SLC9A4: variants seen among roughly 807,000 people sequenced by gnomAD.
SLC9A4 encodes the protein sodium/hydrogen exchanger 4.
In SLC9A4, 63 loss-of-function variants were observed where a neutral mutation model predicts 67.4. The ratio of observed to expected loss-of-function variants is 0.93; its 90% confidence interval spans 0.76 to 1.15. The LOEUF is 1.15. Among genes scored for constraint, SLC9A4 ranks in the 50% most tolerant of loss-of-function variants. The pLI is 0.00. For synonymous variants in SLC9A4, 393 were observed against 367.2 expected, an observed-to-expected ratio of 1.07 and a Z score of -0.80; for missense variants, 1,089 against 987.7, an observed-to-expected ratio of 1.10 and a Z score of -1.38.
intron 1 of SLC9A4, among the ~76,000 whole-genome samples, chr2:102,475,911 T>TA (rs1410186141): frequency 6.6e-6 from 1 of 152,226 alleles, no homozygotes; most frequent in Non-Finnish European, 1.5e-5. Context: ...AAGATTATGT[T>TA]ATAAAACATG....
chr2:102,491,845 C>A (rs1227702744), intron 2 of SLC9A4, among the ~76,000 whole-genome samples: 1 of 152,182 alleles, frequency 6.6e-6, no homozygotes, highest in African/African-American at 2.4e-5. Context: ...CAAGTCCCTC[C>A]CACCTATGAC....
chr2:102,530,147 G>A (rs1674749561), intron 11 of SLC9A4, among the ~76,000 whole-genome samples: 1 of 152,176 alleles, frequency 6.6e-6, no homozygotes, highest in Non-Finnish European at 1.5e-5. Context: ...GGTGGGGAGT[G>A]TTGCACTCCG....
chr2:102,503,794 T>C, intron 3 of SLC9A4, 87 bp downstream of exon 3: 1 of 1,515,736 alleles, frequency 6.6e-7, no homozygotes, highest in Non-Finnish European at 8.9e-7. Flanking sequence ...GGGAAAGACA[T>C]AACCAATGAC....
At chr2:102,515,504 A>G (rs973155458) in intron 8 of SLC9A4, among the ~76,000 whole-genome samples, 2 of 150,732 alleles carry the variant, frequency 1.3e-5, no homozygotes, top group Non-Finnish European at 3.0e-5. Context: ...GTTTGTTTTG[A>G]TGCTGCTCAT....
intron 1 of SLC9A4, among the ~76,000 whole-genome samples, chr2:102,478,114 T>G (rs1684371216): frequency 6.6e-6 from 1 of 152,124 alleles, no homozygotes; most frequent in Non-Finnish European, 1.5e-5. Flanking sequence ...CAGAGACCCA[T>G]GGTGTAGAAA....
At chr2:102,478,433 G>A (rs1277465397) in intron 1 of SLC9A4, among the ~76,000 whole-genome samples, 1 of 152,200 alleles carries the variant, frequency 6.6e-6, no homozygotes, top group African/African-American at 2.4e-5. Context: ...TGGTGAAGAG[G>A]GGAATGAGGT....
intron 2 of SLC9A4, among the ~76,000 whole-genome samples, chr2:102,495,774 G>A (rs193071503): frequency 1.3e-5 from 2 of 152,208 alleles, no homozygotes. Context: ...GGCAAAGTCT[G>A]TTCAACAAAT....
At chr2:102,496,521 T>C (rs1441619500) in intron 2 of SLC9A4, among the ~76,000 whole-genome samples, 2 of 152,204 alleles carry the variant, frequency 1.3e-5, no homozygotes, top group African/African-American at 2.4e-5. Context: ...GAAATAAACA[T>C]TTAGCAGAGA....
intron 2 of SLC9A4, among the ~76,000 whole-genome samples, chr2:102,480,861 A>T (rs1185156244): frequency 6.6e-6 from 1 of 152,196 alleles, no homozygotes; most frequent in Non-Finnish European, 1.5e-5. Flanking sequence ...GGGGAGGAGG[A>T]TGCCACATGC....
chr2:102,484,585 T>C (rs1465609593), intron 2 of SLC9A4, among the ~76,000 whole-genome samples: 3 of 152,180 alleles, frequency 2.0e-5, no homozygotes, highest in African/African-American at 7.2e-5. Context: ...GGACACTGTT[T>C]AGTGGTCGGC....
chr2:102,473,755 C>T lies in SLC9A4; in HGVS notation c.-5C>T. The T allele has an allele frequency of 6.2e-7, 1 of 1,613,500 alleles. No individual in the cohort carries two copies. Among genetic ancestry groups the T allele is most frequent in the Non-Finnish European group, 8.5e-7 (1 of 1,179,734 alleles). On this transcript the variant is annotated 5_prime_UTR_variant, in exon 1 of 12. It introduces an in-frame stop codon into an upstream open reading frame of the 5' UTR. Transcript: ENST00000295269. ...CAGGGGTGTAGGTAGGAGAAGCCCA[C>T]AGGAATGGCTCTGCAGATGTTCGTG...
chr2:102,479,330 C>T, intron 2 of SLC9A4, 28 bp downstream of exon 2: 3 of 1,576,854 alleles, frequency 1.9e-6, no homozygotes, highest in Non-Finnish European at 1.7e-6. Flanking sequence ...CGCCCGGCTT[C>T]CGGGGGAGAT....
intron 4 of SLC9A4, among the ~76,000 whole-genome samples, chr2:102,507,420 G>C (rs544830890): frequency 2.0e-5 from 3 of 152,124 alleles, no homozygotes; most frequent in Non-Finnish European, 2.9e-5. Context: ...GAGCCGCTTG[G>C]GGATGAAAAC....
Position 102,473,711 on chromosome 2 carries a change from T to C in SLC9A4, c.-49T>C, listed in dbSNP as rs547985685. On this transcript the variant is annotated 5_prime_UTR_variant, in exon 1 of 12. An upstream start codon of the reference 5' UTR is lost. Coordinates refer to ENST00000295269, the MANE Select transcript of SLC9A4 (RefSeq NM_001011552.4). ...CTCTAGAAGCCTCCCCGACTTCAGATGTGTGGCACACATCCACACAGGGGT... is the reference window on the plus strand; with the variant it reads ...CTCTAGAAGCCTCCCCGACTTCAGACGTGTGGCACACATCCACACAGGGGT... 2.7e-4 allele frequency: 435 copies of C among 1,598,612 alleles called. 2 individuals are homozygous for C. The South Asian group carries it at 4.4e-3, about 16-fold the overall frequency.
chr2:102,481,345 A>G (rs1164023485), intron 2 of SLC9A4, among the ~76,000 whole-genome samples: 1 of 152,212 alleles, frequency 6.6e-6, no homozygotes. Context: ...TGCCATGAGC[A>G]AAAAGGATTT....
At chr2:102,481,931 GA>G (rs1216272266) in intron 2 of SLC9A4, among the ~76,000 whole-genome samples, 3 of 151,746 alleles carry the variant, frequency 2.0e-5, no homozygotes, top group African/African-American at 4.9e-5. Flanking sequence ...CAATAGTACA[GA>G]GAGGAAAAGT....
chr2:102,523,327 G>C (rs574460544), intron 9 of SLC9A4, among the ~76,000 whole-genome samples: 3 of 151,956 alleles, frequency 2.0e-5, no homozygotes, highest in Non-Finnish European at 4.4e-5. Flanking sequence ...TTTTGTGAGG[G>C]TTACTTTAGT....
rs140152624 is a variant in SLC9A4, at chr2:102,511,987, G to T, written c.1489-216G>T. Among the ~76,000 whole-genome samples, 11 of 152,238 alleles carry T rather than the reference G, an allele frequency of 7.2e-5. No individual in the cohort carries two copies. In the East Asian group the frequency reaches 1.9e-3, roughly 27 times the overall value. On this transcript the variant is annotated intron_variant, in intron 6 of 11. Transcript: ENST00000295269. ...CATTACGTATTATGTGAATTATGAAGAAACTTATCTACAGAGTCTTTAAAC... is the reference window on the plus strand; with the variant it reads ...CATTACGTATTATGTGAATTATGAATAAACTTATCTACAGAGTCTTTAAAC...
intron 9 of SLC9A4, among the ~76,000 whole-genome samples, chr2:102,520,744 C>T (rs1685390013): frequency 6.6e-6 from 1 of 152,126 alleles, no homozygotes; most frequent in African/African-American, 2.4e-5. Context: ...GCAAAGCTCC[C>T]CATTTTCAAA....
Sources: allele counts gnomAD v4.1 joint callset (sites outside exome capture counted in the v4.1 genomes callset), GRCh38; gene constraint gnomAD v4.1.1; transcripts MANE v1.5; gene names NCBI Gene and HGNC (gene_info 2026-07-23, HGNC 2026-07-21).